The following HYDIN variants were observed in gnomAD, a reference collection of about 807,000 sequenced individuals.
HYDIN encodes the protein HYDIN axonemal central pair apparatus protein.
Under a neutral mutation model 403.9 loss-of-function variants are expected in HYDIN, and 132 were observed. The observed-to-expected ratio is 0.33, with a 90% CI of 0.28 to 0.38. The LOEUF (loss-of-function observed/expected upper bound fraction) is 0.38, where lower values mean the gene tolerates loss of function less well. Among genes scored for constraint, HYDIN ranks in the 10% least tolerant of loss-of-function variants. The pLI is 1.00. For missense variants in HYDIN, 2,827 were observed against 5,009.5 expected (o/e 0.56, Z 13.15); for synonymous variants, 1,202 against 1,891.7 (o/e 0.64, Z 9.46).
At chr16:71,187,925 A>G (rs1348132508) in intron 1 of HYDIN, among the ~76,000 whole-genome samples, 1 of 152,168 alleles carries the variant, frequency 6.6e-6, no homozygotes, top group Non-Finnish European at 1.5e-5. Flanking sequence ...GCTCCTTAAG[A>G]AGAGAATAAA....
chr16:71,192,430 G>A (rs890097579), intron 1 of HYDIN, among the ~76,000 whole-genome samples: 3 of 151,928 alleles, frequency 2.0e-5, no homozygotes, highest in East Asian at 1.9e-4. Context: ...GCCTAAAATC[G>A]TTTCGTCCGG....
chr16:70,819,120 G>A (rs976640812), intron 83 of HYDIN, among the ~76,000 whole-genome samples: 10 of 151,324 alleles, frequency 6.6e-5, no homozygotes, highest in Non-Finnish European at 1.5e-4. Context: ...TCATCATGTT[G>A]GCCAGGCTGG....
chr16:70,967,640 C>T (rs1482831751), intron 36 of HYDIN, among the ~76,000 whole-genome samples: 1 of 152,190 alleles, frequency 6.6e-6, no homozygotes, highest in Non-Finnish European at 1.5e-5. Context: ...TTCCACCACA[C>T]CTGGCTAATT....
chr16:71,116,018 G>A (rs973195139), intron 9 of HYDIN, among the ~76,000 whole-genome samples: 1 of 152,046 alleles, frequency 6.6e-6, no homozygotes, highest in Non-Finnish European at 1.5e-5. Context: ...TGTGCGTGGT[G>A]AGAGGACCTG....
intron 35 of HYDIN, 97 bp from the exon 36 acceptor site, chr16:70,970,856 G>A: frequency 8.7e-7 from 1 of 1,144,372 alleles, no homozygotes; most frequent in South Asian, 1.5e-5. Flanking sequence ...TATCTATTTA[G>A]ATTAAGGGAG....
At chr16:71,145,550 T>C (rs976237809) in intron 7 of HYDIN, among the ~76,000 whole-genome samples, 18 of 152,140 alleles carry the variant, frequency 1.2e-4, no homozygotes, top group Admixed American at 4.6e-4. Context: ...GCTGAATGAT[T>C]AAATTTTAAT....
At chr16:70,810,045 G>C in intron 84 of HYDIN, 38 bp from the exon 85 acceptor site, 1 of 1,592,240 alleles carries the variant, frequency 6.3e-7, no homozygotes, top group Non-Finnish European at 8.6e-7. Flanking sequence ...ATGCTGAAAG[G>C]CTAATTCATC....
chr16:70,943,542 A>AT (rs2077746894), intron 42 of HYDIN, among the ~76,000 whole-genome samples: 1 of 152,266 alleles, frequency 6.6e-6, no homozygotes, highest in South Asian at 2.1e-4. Context: ...CCACATTGTA[A>AT]TTTTTAACAA....
chr16:71,051,650 AAAAAAAAAAC>A (rs1332433051), intron 18 of HYDIN, among the ~76,000 whole-genome samples: 9 of 151,704 alleles, frequency 5.9e-5, no homozygotes, highest in Non-Finnish European at 1.3e-4. Context: ...TGTCTCAAAA[AAAAAAAAAAC>A]AAAAAAAACA....
In HYDIN at chr16:70,982,052, C is replaced by T. The variant is rs571335743; in HGVS notation, c.4333-484G>A. Among the ~76,000 whole-genome samples the T allele has an allele frequency of 4.7e-5, 7 of 148,788 alleles. No individual in the cohort carries two copies. In the South Asian group the frequency reaches 1.5e-3, roughly 32 times the overall value. ...CTGAGGCAGGAGAATGGCGTGAACC[C>T]GGGAGGCAGAGCTTGCAGTGAGCCG... On this transcript the variant is annotated intron_variant, in intron 28 of 85. Coordinates refer to ENST00000393567, the MANE Select transcript of HYDIN (RefSeq NM_001270974.2).
chr16:70,992,966 A>T (rs2079406187), intron 23 of HYDIN, among the ~76,000 whole-genome samples: 1 of 151,734 alleles, frequency 6.6e-6, no homozygotes, highest in African/African-American at 2.4e-5. Context: ...CCCCTCTCTG[A>T]CCCTCCCCAA....
At position 70,805,717 on chromosome 16, in the gene HYDIN, G is replaced by A. The variant is rs1437537136; in HGVS notation, c.*1863C>T. Among the ~76,000 whole-genome samples the A allele has an allele frequency of 2.0e-5, 3 of 152,166 alleles. No individual in the cohort carries two copies. The highest frequency in any genetic ancestry group is 4.4e-5 in the Non-Finnish European group (3 of 68,040). On this transcript the variant is annotated 3_prime_UTR_variant, in exon 86 of 86. Transcript: ENST00000393567. ...AGCGATCTTTGCTCACTTAACCATT[G>A]TGAAAATCTGTCATCTGGTTGTCTT...
chr16:71,126,227 T>C (rs1345802493), intron 9 of HYDIN, among the ~76,000 whole-genome samples: 6 of 152,164 alleles, frequency 3.9e-5, no homozygotes, highest in African/African-American at 1.2e-4. Context: ...TCCCTAATGG[T>C]CTGTTTTTGT....
chr16:71,184,896 A>C lies in HYDIN; in HGVS notation c.230T>G (p.Leu77Arg). The change falls in exon 3 of 86, where the codon CTC becomes CGC. Residue 77 changes from leucine to arginine, a missense_variant. Leu to Arg is a moderately radical substitution (Grantham distance 102). Transcript: ENST00000393567. ...RLMCRPQIIELLDMGETTHQK... is the reference protein window; with the variant it reads ...RLMCRPQIIERLDMGETTHQK... Reference sequence around the variant, plus strand: ...ATGTGTTGTTTCCCCCATATCTAAGAGTTCGATGATCTGTGGTCGGCACAT... The same window carrying C: ...ATGTGTTGTTTCCCCCATATCTAAGCGTTCGATGATCTGTGGTCGGCACAT... 1.2e-6 allele frequency: 2 copies of C among 1,608,310 alleles called. No individual in the cohort carries two copies. Among genetic ancestry groups the C allele is most frequent in the Non-Finnish European group, 1.7e-6 (2 of 1,176,304 alleles).
At chr16:71,218,990 T>C (rs1258920353) in intron 1 of HYDIN, among the ~76,000 whole-genome samples, 1 of 152,214 alleles carries the variant, frequency 6.6e-6, no homozygotes, top group Admixed American at 6.5e-5. Context: ...TCCCACACTG[T>C]CATTATTTTA....
At chr16:71,219,102 T>C (rs1449759973) in intron 1 of HYDIN, among the ~76,000 whole-genome samples, 1 of 152,174 alleles carries the variant, frequency 6.6e-6, no homozygotes, top group Non-Finnish European at 1.5e-5. Flanking sequence ...TGCTGCAAAT[T>C]TGGGTGGATT....
At position 70,804,121 on chromosome 16, in the gene HYDIN, G is replaced by A. The variant is rs533413088; in HGVS notation, c.*3459C>T. ...TTATTGTTTGAGGCTAAGGAAGCAC[G>A]AGAAAAACCTAAAGGGAAGAAATGC... On this transcript the variant is annotated 3_prime_UTR_variant, in exon 86 of 86. Transcript: ENST00000393567. 4.7e-4 allele frequency among the ~76,000 whole-genome samples: 71 copies of A among 152,314 alleles called. No individual in the cohort carries two copies. Among genetic ancestry groups the A allele is most frequent in the African/African-American group, 1.6e-3 (65 of 41,566 alleles).
chr16:70,982,239 T>G (rs1327450846), intron 28 of HYDIN, among the ~76,000 whole-genome samples: 1 of 151,862 alleles, frequency 6.6e-6, no homozygotes, highest in Non-Finnish European at 1.5e-5. Flanking sequence ...TTAAAACATT[T>G]TTGTGAAATT....
intron 3 of HYDIN, among the ~76,000 whole-genome samples, chr16:71,180,233 A>C (rs1597965233): frequency 1.3e-5 from 2 of 152,206 alleles, no homozygotes; most frequent in Middle Eastern, 6.8e-3. Context: ...AAAATAATAA[A>C]TATTATGTCA....
Sources: allele counts gnomAD v4.1 joint callset (sites outside exome capture counted in the v4.1 genomes callset), GRCh38; gene constraint gnomAD v4.1.1; transcripts MANE v1.5; gene names NCBI Gene and HGNC (gene_info 2026-07-23, HGNC 2026-07-21).